Variants in CFAP77 observed in about 807,000 individuals in gnomAD.
The protein encoded by CFAP77 is cilia- and flagella-associated protein 77.
Under a neutral mutation model 31.1 loss-of-function variants are expected in CFAP77, and 25 were observed. The ratio of observed to expected loss-of-function variants is 0.80; its 90% CI spans 0.59 to 1.12. The LOEUF (loss-of-function observed/expected upper bound fraction) is 1.12. Ranked by LOEUF, CFAP77 falls within the 50% of genes most tolerant of loss-of-function variation. The probability of loss-of-function intolerance (pLI) is 0.00; values close to 1 mark genes in which losing one functional copy is unlikely to be tolerated. For missense variants in CFAP77, 377 were observed against 397.3 expected (o/e 0.95, Z 0.44); for synonymous variants, 151 against 159.9 (o/e 0.94, Z 0.42).
chr9:132,500,653 C>T (rs1255306628), intron 3 of CFAP77, among the ~76,000 whole-genome samples: 1 of 152,188 alleles, frequency 6.6e-6, no homozygotes, highest in Non-Finnish European at 1.5e-5. Context: ...CCCCAGAAAC[C>T]TCCCACACTC....
chr9:132,490,714 G>T lies in CFAP77; in HGVS notation c.196-7981G>T, dbSNP rs1212711442. On this transcript the variant is annotated intron_variant, in intron 1 of 5. Coordinates refer to ENST00000393216, the MANE Select transcript of CFAP77 (RefSeq NM_001282957.2). The surrounding 1 kb of genome is among the most constrained non-coding windows in gnomAD (Gnocchi z 4.6). ...AAATGCCAATTCAAGATCTGTATGTGTCTTTCTTTTCCTGATTACCCTTCC... is the reference window on the plus strand; with the variant it reads ...AAATGCCAATTCAAGATCTGTATGTTTCTTTCTTTTCCTGATTACCCTTCC... Among the ~76,000 whole-genome samples, 1 of 152,184 alleles carries T rather than the reference G, an allele frequency of 6.6e-6. No homozygotes were observed. Among genetic ancestry groups the T allele is most frequent in the Admixed American group, 6.5e-5 (1 of 15,274 alleles).
rs1416538986 is a variant in CFAP77 at position 132,555,961 on chromosome 9, A to G, written c.732+12914A>G. Among the ~76,000 whole-genome samples, 3 of 151,826 alleles carry G rather than the reference A, an allele frequency of 2.0e-5. No homozygotes were observed. The East Asian group carries it at 5.8e-4, about 29-fold the overall frequency. On this transcript the variant is annotated intron_variant, in intron 5 of 5. Transcript: ENST00000393216. Reference sequence around the variant, plus strand: ...AACATACAGTCCCTGGCATCAGGCAATCTCCACTCCGAGTCACACTCAGGT... The same window carrying G: ...AACATACAGTCCCTGGCATCAGGCAGTCTCCACTCCGAGTCACACTCAGGT...
chr9:132,549,206 C>T (rs1463770685), intron 5 of CFAP77, among the ~76,000 whole-genome samples: 2 of 152,220 alleles, frequency 1.3e-5, no homozygotes, highest in Non-Finnish European at 2.9e-5. Context: ...TCTGCCTCTC[C>T]ACAAGGCTTG....
chr9:132,554,430 A>C lies in CFAP77; in HGVS notation c.732+11383A>C, dbSNP rs1852866486. ...GGCACAATCACAGCCTCAACTTCCT[A>C]GGCTCAGGTGATCCCCCACCTCAGC... On this transcript the variant is annotated intron_variant, in intron 5 of 5. Coordinates refer to ENST00000393216, the MANE Select transcript of CFAP77 (RefSeq NM_001282957.2). This position sits in a 1 kb window ranked among gnomAD's most constrained non-coding sequence, Gnocchi z 4.1. Among the ~76,000 whole-genome samples the C allele has an allele frequency of 6.6e-6, 1 of 151,676 alleles. No individual in the cohort carries two copies. Among genetic ancestry groups the C allele is most frequent in the Non-Finnish European group, 1.5e-5 (1 of 67,910 alleles).
intron 3 of CFAP77, among the ~76,000 whole-genome samples, chr9:132,521,780 T>TTTG (rs1852270878): frequency 6.8e-6 from 1 of 146,440 alleles, no homozygotes; most frequent in Admixed American, 6.8e-5. Context: ...TTTTTTTTTT[T>TTTG]TTTTGAGATG....
intron 4 of CFAP77, among the ~76,000 whole-genome samples, chr9:132,541,706 AAAC>A (rs1043053449): frequency 3.9e-5 from 6 of 152,330 alleles, no homozygotes; most frequent in South Asian, 2.1e-4. Context: ...CTCCGTCTCA[AAAC>A]AACAACAACA....
intron 5 of CFAP77, among the ~76,000 whole-genome samples, chr9:132,568,726 CAG>C (rs935900888): frequency 9.2e-5 from 14 of 152,020 alleles, no homozygotes; most frequent in African/African-American, 3.1e-4. Context: ...TTTTTGGAGA[CAG>C]AGTCTCTGTC....
At chr9:132,531,957 G>C (rs1852460950) in intron 3 of CFAP77, among the ~76,000 whole-genome samples, 2 of 152,230 alleles carry the variant, frequency 1.3e-5, no homozygotes, top group Non-Finnish European at 2.9e-5. Flanking sequence ...GCTGAGAAGA[G>C]AGCTTTTCTG....
intron 1 of CFAP77, among the ~76,000 whole-genome samples, chr9:132,421,977 C>A (rs1431877300): frequency 1.3e-5 from 2 of 151,816 alleles, no homozygotes; most frequent in African/African-American, 2.4e-5. Context: ...GCCTTGGGGA[C>A]ACCTCAGTGG....
rs58207443 is a variant in CFAP77, at chr9:132,424,560, T to C, written c.195+14094T>C. Among the ~76,000 whole-genome samples the C allele has an allele frequency of 0.082, 12,408 of 152,144 alleles. 549 individuals are homozygous for C. Among genetic ancestry groups the C allele is most frequent in the East Asian group, 0.2 (1,050 of 5,154 alleles). On this transcript the variant is annotated intron_variant, in intron 1 of 5. Transcript: ENST00000393216. This position sits in a 1 kb window ranked among gnomAD's most constrained non-coding sequence, Gnocchi z 4.1. ...GCTGCCATGAGCTTGGGTGCATTTT[T>C]AGGGGAAGTCTGGAGGAAGCACACT...
chr9:132,540,884 C>A (rs1309699540), intron 4 of CFAP77, among the ~76,000 whole-genome samples: 1 of 152,090 alleles, frequency 6.6e-6, no homozygotes, highest in Non-Finnish European at 1.5e-5. Flanking sequence ...TTTCAGTATG[C>A]CAAGGGGGCA....
Position 132,511,969 on chromosome 9 carries a change from A to C in CFAP77, c.524+12369A>C, listed in dbSNP as rs189352119. Among the ~76,000 whole-genome samples, 152 of 151,940 alleles carry C rather than the reference A, an allele frequency of 1.0e-3. 1 individual carries two copies. Among genetic ancestry groups the C allele is most frequent in the African/African-American group, 3.3e-3 (136 of 41,418 alleles). On this transcript the variant is annotated intron_variant, in intron 3 of 5. Coordinates refer to ENST00000393216, the MANE Select transcript of CFAP77 (RefSeq NM_001282957.2). This position sits in a 1 kb window ranked among gnomAD's most constrained non-coding sequence, Gnocchi z 5.8. ...CTTGGGAGGCTGAGGCAGGAGAATC[A>C]CTTGAACCTGGGAGGCAGAGGTTGC...
At chr9:132,451,931 AG>A (rs1469697995) in intron 1 of CFAP77, among the ~76,000 whole-genome samples, 1 of 150,766 alleles carries the variant, frequency 6.6e-6, no homozygotes, top group Non-Finnish European at 1.5e-5. Context: ...CAGCCTCCTG[AG>A]CAGCTGGGAC....
At chr9:132,537,984 A>G (rs1852577718) in intron 4 of CFAP77, among the ~76,000 whole-genome samples, 1 of 152,182 alleles carries the variant, frequency 6.6e-6, no homozygotes, top group African/African-American at 2.4e-5. Flanking sequence ...ATGAGAACCC[A>G]GCTGTCCTGA....
intron 5 of CFAP77, 39 bp from the exon 6 acceptor site, chr9:132,572,349 G>A (rs1401800196): frequency 1.2e-6 from 2 of 1,601,332 alleles, no homozygotes; most frequent in African/African-American, 1.3e-5. Flanking sequence ...CTACACTGAA[G>A]TCTCCCCTCA....
At chr9:132,563,702 G>A (rs1345829332) in intron 5 of CFAP77, among the ~76,000 whole-genome samples, 2 of 152,232 alleles carry the variant, frequency 1.3e-5, no homozygotes, top group Non-Finnish European at 2.9e-5. Context: ...GCTATGCCAA[G>A]TCTCTCTAAA....
At chr9:132,476,419 T>G (rs1369007463) in intron 1 of CFAP77, among the ~76,000 whole-genome samples, 3 of 152,102 alleles carry the variant, frequency 2.0e-5, no homozygotes, top group African/African-American at 4.8e-5. Context: ...CAAGCTCTGA[T>G]CTTCCATCTC....
chr9:132,415,151 A>G (rs1182594017), intron 1 of CFAP77, among the ~76,000 whole-genome samples: 1 of 152,214 alleles, frequency 6.6e-6, no homozygotes, highest in Non-Finnish European at 1.5e-5. Flanking sequence ...AACCTTAGGA[A>G]GGGATTTAAA....
chr9:132,573,188 A>G lies in CFAP77; in HGVS notation c.*678A>G, dbSNP rs1646822272. On this transcript the variant is annotated 3_prime_UTR_variant, in exon 6 of 6. Coordinates refer to ENST00000393216, the MANE Select transcript of CFAP77 (RefSeq NM_001282957.2). ...TTCCAGGCCAGCGGGTAGACTGCTG[A>G]ACACAGGCTGCTGAGCTTCTCAGCC... The G allele has an allele frequency of 1.3e-5, 2 of 152,264 alleles. No individual in the cohort carries two copies. Among genetic ancestry groups the G allele is most frequent in the Admixed American group, 6.5e-5 (1 of 15,290 alleles). The allele number at this position is 152,264 out of a possible 1,614,324, so 9.4% of individuals were successfully genotyped here.
Sources: allele counts gnomAD v4.1 joint callset (sites outside exome capture counted in the v4.1 genomes callset), GRCh38; gene constraint gnomAD v4.1.1; non-coding constraint Gnocchi (gnomAD v3.1); transcripts MANE v1.5; gene names NCBI Gene and HGNC (gene_info 2026-07-23, HGNC 2026-07-21).